Variants in LAMA4 observed in about 807,000 individuals in gnomAD.
LAMA4 encodes the protein laminin subunit alpha-4.
A neutral mutation model predicts 207.1 loss-of-function variants in LAMA4; 127 were observed. That is an observed-to-expected ratio of 0.61 (90% CI 0.53 to 0.71). The LOEUF (loss-of-function observed/expected upper bound fraction) is 0.71. Ranked by LOEUF, LAMA4 falls within the 30% of genes least tolerant of loss-of-function variation. The probability of loss-of-function intolerance (pLI) is 0.00; values close to 1 mark genes in which losing one functional copy is unlikely to be tolerated. For missense variants in LAMA4, 2,093 were observed against 2,246.5 expected (o/e 0.93, Z 1.38); for synonymous variants, 761 against 816.0 (o/e 0.93, Z 1.15).
At chr6:112,172,301 G>A (rs1781761181) in intron 12 of LAMA4, 1 of 325,870 alleles carries the variant, frequency 3.1e-6, no homozygotes, top group Non-Finnish European at 5.8e-6. Flanking sequence ...TGGCCTTCTA[G>A]TGCTCTCAGT....
At chr6:112,150,132 A>G (rs1554335415) in intron 17 of LAMA4, among the ~76,000 whole-genome samples, 1 of 151,916 alleles carries the variant, frequency 6.6e-6, no homozygotes, top group Non-Finnish European at 1.5e-5. Context: ...ATTAGGGCAT[A>G]TTGTTATGAG....
intron 8 of LAMA4, among the ~76,000 whole-genome samples, chr6:112,186,591 T>G (rs1554346736): frequency 6.6e-6 from 1 of 152,204 alleles, no homozygotes; most frequent in African/African-American, 2.4e-5. Context: ...CTCCAGTTCC[T>G]GATACAAAAT....
intron 14 of LAMA4, among the ~76,000 whole-genome samples, chr6:112,157,084 G>A (rs1780763276): frequency 6.6e-6 from 1 of 152,118 alleles, no homozygotes; most frequent in African/African-American, 2.4e-5. Context: ...ATGGGGCTCT[G>A]CTCTACAGAG....
chr6:112,231,133 T>A (rs1444507194), intron 2 of LAMA4, among the ~76,000 whole-genome samples: 1 of 152,218 alleles, frequency 6.6e-6, no homozygotes, highest in African/African-American at 2.4e-5. Context: ...ATAAAAGTCA[T>A]CTCTGTTCAA....
rs974546630 is a variant in LAMA4 at position 112,217,019 on chromosome 6, A to G, written c.196-550T>C. On this transcript the variant is annotated intron_variant, in intron 2 of 38. Transcript: ENST00000230538. ...TGTTAAAGGGAGGGATAAGGAAGTTAATGAGTTCTTACACTTGTCAAGTCC... is the reference window on the plus strand; with the variant it reads ...TGTTAAAGGGAGGGATAAGGAAGTTGATGAGTTCTTACACTTGTCAAGTCC... 2.0e-5 allele frequency among the ~76,000 whole-genome samples: 3 copies of G among 152,326 alleles called. No individual in the cohort carries two copies. The East Asian group carries it at 5.8e-4, about 29-fold the overall frequency.
chr6:112,114,615 A>G lies in LAMA4; in HGVS notation c.5206+48T>C, dbSNP rs138818941. ...ATAGCCTAAGTTCTGCCAGATCATA[A>G]TCTTACAGTTGGGTGTGCAGGCTCC... On this transcript the variant is annotated intron_variant, in intron 37 of 38. Transcript: ENST00000230538. 283 of 1,206,862 alleles carry G rather than the reference A, an allele frequency of 2.3e-4. No individual in the cohort carries two copies. In the African/African-American group the frequency reaches 3.8e-3, roughly 16 times the overall value. The allele number at this position is 1,206,862 out of a possible 1,614,324, so 74.8% of individuals were successfully genotyped here. A position where few individuals can be genotyped will look rare whatever the true frequency, so the allele number is the denominator to read the frequency against.
At chr6:112,253,908 C>T in intron 2 of LAMA4, 48 bp downstream of exon 2, 3 of 1,613,222 alleles carry the variant, frequency 1.9e-6, no homozygotes, top group Non-Finnish European at 1.7e-6. Context: ...GCACAGCCCG[C>T]GGGGGCGCAG....
At chr6:112,193,222 G>T (rs1193924959) in intron 5 of LAMA4, among the ~76,000 whole-genome samples, 4 of 152,112 alleles carry the variant, frequency 2.6e-5, no homozygotes, top group Non-Finnish European at 5.9e-5. Context: ...TTTTGAGCAT[G>T]ATGGAAGTGG....
intron 2 of LAMA4, among the ~76,000 whole-genome samples, chr6:112,221,723 CCTTA>C (rs1180592825): frequency 1.3e-5 from 2 of 151,350 alleles, no homozygotes; most frequent in East Asian, 1.9e-4. Flanking sequence ...AACTGTGTGC[CCTTA>C]CTTAAGAGTC....
Position 112,181,524 on chromosome 6 carries a change from T to C in LAMA4, c.1078-3292A>G, listed in dbSNP as rs1301140991. 9.8e-4 allele frequency among the ~76,000 whole-genome samples: 149 copies of C among 152,198 alleles called. 3 individuals are homozygous for C. Among genetic ancestry groups the C allele is most frequent in the Non-Finnish European group, 2.4e-4 (16 of 68,042 alleles). On this transcript the variant is annotated intron_variant, in intron 9 of 38. Coordinates refer to ENST00000230538, the MANE Select transcript of LAMA4 (RefSeq NM_001105206.3). ...CTTAGCACGCTGCTTCACATCTATC[T>C]GTTCTCATAGTACTTACCCCTTGCT...
In LAMA4 at chr6:112,241,136, G is replaced by GAATATATATATTTATATATAT. The variant is rs1562101883; in HGVS notation, c.195+12819_195+12820insATATATATAAATATATATATT. On this transcript the variant is annotated intron_variant, in intron 2 of 38. Transcript: ENST00000230538. ...ATATGAATATATATATGAATATATA[G>GAATATATATATTTATATATAT]GAATATATATATGAATATATATATG... Among the ~76,000 whole-genome samples, 6 of 61,962 alleles carry GAATATATATATTTATATATAT rather than the reference G, an allele frequency of 9.7e-5. 1 individual carries two copies. Among genetic ancestry groups the GAATATATATATTTATATATAT allele is most frequent in the African/African-American group, 1.2e-4 (2 of 17,100 alleles). The allele number at this position is 61,962 out of a possible 152,430, so 40.6% of individuals were successfully genotyped here. A position where few individuals can be genotyped will look rare whatever the true frequency, so the allele number is the denominator to read the frequency against.
chr6:112,157,308 T>C (rs551895530), intron 14 of LAMA4, among the ~76,000 whole-genome samples: 2 of 136,528 alleles, frequency 1.5e-5, no homozygotes, highest in East Asian at 4.6e-4. Flanking sequence ...AAGCCTTTAT[T>C]ACTTTGCTTT....
At chr6:112,245,970 A>G (rs2114417262) in intron 2 of LAMA4, among the ~76,000 whole-genome samples, 1 of 152,300 alleles carries the variant, frequency 6.6e-6, no homozygotes, top group Admixed American at 6.5e-5. Context: ...ATTCAGCTTC[A>G]GAATGTTGTT....
At chr6:112,249,340 G>A (rs1180138386) in intron 2 of LAMA4, among the ~76,000 whole-genome samples, 1 of 151,624 alleles carries the variant, frequency 6.6e-6, no homozygotes, top group African/African-American at 2.4e-5. Context: ...CTACTTGGGA[G>A]GCTGAGGCAG....
At position 112,109,239 on chromosome 6, in the gene LAMA4, A is replaced by G; in HGVS notation, c.*198T>C. On this transcript the variant is annotated 3_prime_UTR_variant, in exon 39 of 39. Transcript: ENST00000230538. The stretch of plus-strand genomic sequence containing the variant: ...TTTGCCACTCCTTCAATTGTTGTCC[A>G]TTGCAGACACTTTGGATTCAAGGTT... 1.6e-6 allele frequency: 1 copy of G among 641,854 alleles called. No homozygotes were observed. The highest frequency in any genetic ancestry group is 2.7e-6 in the Non-Finnish European group (1 of 368,990). 39.8% of individuals were successfully genotyped at this position (641,854 alleles called of 1,614,324 possible).
At chr6:112,157,678 G>C (rs1215162407) in intron 14 of LAMA4, among the ~76,000 whole-genome samples, 1 of 152,188 alleles carries the variant, frequency 6.6e-6, no homozygotes, top group Non-Finnish European at 1.5e-5. Flanking sequence ...CAATGAATGG[G>C]ATGTAGGTAC....
rs1456398643 is a variant in LAMA4, at chr6:112,114,840, A to G, written c.5113-84T>C. ...TTTCTTAAATAATTTACCACAGTGA[A>G]GCAATACTTCAACAAATATTCACAC... is the stretch of plus-strand genomic sequence containing the variant. On this transcript the variant is annotated intron_variant, in intron 36 of 38. Transcript: ENST00000230538. 4 of 953,846 alleles carry G rather than the reference A, an allele frequency of 4.2e-6. No homozygotes were observed. In the East Asian group the frequency reaches 9.9e-5, roughly 24 times the overall value. 59.1% of individuals were successfully genotyped at this position (953,846 alleles called of 1,614,324 possible).
chr6:112,144,746 C>G (rs367657079), intron 19 of LAMA4, 48 bp downstream of exon 19: 1 of 1,604,114 alleles, frequency 6.2e-7, no homozygotes, highest in African/African-American at 1.3e-5. Flanking sequence ...AGCTCAGCTT[C>G]GTGTTATTAT....
At chr6:112,201,814 T>A (rs1334500224) in intron 4 of LAMA4, 126 bp from the exon 5 acceptor site, 1 of 838,272 alleles carries the variant, frequency 1.2e-6, no homozygotes, top group African/African-American at 1.7e-5. Context: ...ATTTTCTTTA[T>A]TTAAACTTGT....
Sources: gnomAD v4.1 joint callset for allele counts (sites outside exome capture counted in the v4.1 genomes callset) on GRCh38, gnomAD v4.1.1 for gene constraint, MANE v1.5 for transcripts, NCBI Gene and HGNC (gene_info 2026-07-23, HGNC 2026-07-21) for gene names.